HS3ST4: variants seen among roughly 807,000 people sequenced by gnomAD.
HS3ST4 encodes heparan sulfate glucosamine 3-O-sulfotransferase 4.
A neutral mutation model predicts 29.2 loss-of-function variants in HS3ST4; 17 were observed. The observed-to-expected ratio is 0.58, with a 90% CI of 0.40 to 0.87. HS3ST4 has a LOEUF of 0.87. Among genes scored for constraint, HS3ST4 ranks in the 40% least tolerant of loss-of-function variants. The pLI is 0.00. For synonymous variants in HS3ST4, 314 were observed against 285.7 expected, an observed-to-expected ratio of 1.10 and a Z score of -1.00; for missense variants, 627 against 634.5, an observed-to-expected ratio of 0.99 and a Z score of 0.13.
At chr16:25,787,555 T>G (rs1966859468) in intron 1 of HS3ST4, among the ~76,000 whole-genome samples, 1 of 152,228 alleles carries the variant, frequency 6.6e-6, no homozygotes, top group South Asian at 2.1e-4. Context: ...AATAGGGATA[T>G]GCTGCTGCCA....
At chr16:25,989,934 G>A (rs576071599) in intron 1 of HS3ST4, among the ~76,000 whole-genome samples, 3 of 152,264 alleles carry the variant, frequency 2.0e-5, no homozygotes, top group East Asian at 1.9e-4. Context: ...GTGTTTGTAC[G>A]TGCCATGGGT....
At chr16:25,818,622 TATATC>T (rs1180300331) in intron 1 of HS3ST4, among the ~76,000 whole-genome samples, 2 of 152,208 alleles carry the variant, frequency 1.3e-5, no homozygotes, top group African/African-American at 4.8e-5. Flanking sequence ...ATGTCAGCTC[TATATC>T]ATGAGATAGG....
At chr16:25,864,304 T>C (rs1035786092) in intron 1 of HS3ST4, among the ~76,000 whole-genome samples, 2 of 152,268 alleles carry the variant, frequency 1.3e-5, no homozygotes, top group Non-Finnish European at 2.9e-5. Context: ...TACTTATGTT[T>C]TGTGGTCAGA....
intron 1 of HS3ST4, among the ~76,000 whole-genome samples, chr16:26,054,101 GA>G (rs1898377429): frequency 3.3e-5 from 5 of 152,142 alleles, no homozygotes; most frequent in Admixed American, 3.3e-4. Context: ...GGCCGTGCCT[GA>G]GATTTAGCAG....
In HS3ST4 at chr16:26,137,534, C is replaced by T. The variant is rs1028604276; in HGVS notation, c.*1286C>T. 6.6e-6 allele frequency: 1 copy of T among 152,172 alleles called. No homozygotes were observed. Among genetic ancestry groups the T allele is most frequent in the Admixed American group, 6.5e-5 (1 of 15,286 alleles). 9.4% of individuals were successfully genotyped at this position (152,172 alleles called of 1,614,324 possible). ...TTAAAATGCATCATTTGACATAAAG[C>T]ACTTGTTCACAGATCTCCAAAACCA... On this transcript the variant is annotated 3_prime_UTR_variant, in exon 2 of 2. Transcript: ENST00000331351.
chr16:25,982,406 G>A (rs1430079758), intron 1 of HS3ST4, among the ~76,000 whole-genome samples: 2 of 152,176 alleles, frequency 1.3e-5, no homozygotes, highest in South Asian at 2.1e-4. Context: ...GGATCATCCC[G>A]ACTCTTTTGC....
chr16:26,055,931 G>T (rs748453243), intron 1 of HS3ST4, among the ~76,000 whole-genome samples: 2 of 151,964 alleles, frequency 1.3e-5, no homozygotes, highest in African/African-American at 4.8e-5. Context: ...CAGGGTTCGG[G>T]CTCACTGGAC....
intron 1 of HS3ST4, among the ~76,000 whole-genome samples, chr16:25,779,272 AAAAC>A (rs1966850560): frequency 6.6e-6 from 1 of 152,238 alleles, no homozygotes; most frequent in Admixed American, 6.5e-5. Context: ...AGGCTGGAAG[AAAAC>A]AAAGCTAAAC....
intron 1 of HS3ST4, among the ~76,000 whole-genome samples, chr16:25,827,545 A>AAAC (rs34161469): frequency 4.7e-4 from 71 of 151,252 alleles, no homozygotes; most frequent in African/African-American, 7.1e-4. Context: ...AAAAAAAAAA[A>AAAC]AACAACAACA....
At chr16:25,918,229 T>C (rs1178885497) in intron 1 of HS3ST4, among the ~76,000 whole-genome samples, 1 of 152,222 alleles carries the variant, frequency 6.6e-6, no homozygotes, top group Non-Finnish European at 1.5e-5. Context: ...TTTTATTTGG[T>C]CCATCAAGTA....
chr16:25,737,428 A>C (rs923420591), intron 1 of HS3ST4, among the ~76,000 whole-genome samples: 1 of 152,240 alleles, frequency 6.6e-6, no homozygotes, highest in Non-Finnish European at 1.5e-5. Flanking sequence ...GAATGCAAGC[A>C]TATCTTTTAC....
intron 1 of HS3ST4, among the ~76,000 whole-genome samples, chr16:25,897,807 G>T (rs936086007): frequency 1.3e-5 from 2 of 152,152 alleles, no homozygotes; most frequent in East Asian, 1.9e-4. Context: ...GTTCTTTAGA[G>T]CAAGGTTTCA....
chr16:26,047,619 GA>G (rs1898286229), intron 1 of HS3ST4, among the ~76,000 whole-genome samples: 1 of 152,140 alleles, frequency 6.6e-6, no homozygotes, highest in African/African-American at 2.4e-5. Context: ...GCTAGTAAAT[GA>G]AAAAGGCAGA....
intron 1 of HS3ST4, among the ~76,000 whole-genome samples, chr16:25,926,353 A>T (rs1359306349): frequency 2.6e-5 from 4 of 152,214 alleles, no homozygotes; most frequent in African/African-American, 4.8e-5. Flanking sequence ...GCATTTGCAA[A>T]ATAATCTGGT....
intron 1 of HS3ST4, among the ~76,000 whole-genome samples, chr16:25,914,647 A>C (rs1474150453): frequency 4.0e-5 from 6 of 150,142 alleles, no homozygotes; most frequent in Non-Finnish European, 8.9e-5. Context: ...GTGTGTGTGC[A>C]CGTGTGTGGG....
At chr16:25,922,010 C>A (rs1484717197) in intron 1 of HS3ST4, among the ~76,000 whole-genome samples, 1 of 152,158 alleles carries the variant, frequency 6.6e-6, no homozygotes, top group African/African-American at 2.4e-5. Context: ...CTGCCTTGGC[C>A]TCTCAAAGTA....
chr16:25,823,292 AAC>A (rs1967181300), intron 1 of HS3ST4, among the ~76,000 whole-genome samples: 1 of 152,168 alleles, frequency 6.6e-6, no homozygotes, highest in Non-Finnish European at 1.5e-5. Flanking sequence ...AGGTTTGTGA[AAC>A]ACAGAGATCT....
intron 1 of HS3ST4, among the ~76,000 whole-genome samples, chr16:26,063,861 A>G (rs916616317): frequency 1.1e-4 from 16 of 152,176 alleles, no homozygotes; most frequent in African/African-American, 3.9e-4. Context: ...GATGCCAGTA[A>G]TGAACCTCCA....
intron 1 of HS3ST4, among the ~76,000 whole-genome samples, chr16:26,113,615 G>A (rs185457101): frequency 1.3e-5 from 2 of 152,086 alleles, no homozygotes; most frequent in East Asian, 3.9e-4. Flanking sequence ...GTGGGTGAGT[G>A]GGTGATATGA....
Sources: allele counts gnomAD v4.1 joint callset (sites outside exome capture counted in the v4.1 genomes callset), GRCh38; gene constraint gnomAD v4.1.1; transcripts MANE v1.5; gene names NCBI Gene and HGNC (gene_info 2026-07-23, HGNC 2026-07-21).